The following FAM78A variants were observed in gnomAD, a reference collection of about 807,000 sequenced individuals.
FAM78A encodes family with sequence similarity 78 member A.
In FAM78A, 12 loss-of-function variants were observed where a neutral mutation model predicts 22.6. The ratio of observed to expected loss-of-function variants is 0.53; its 90% confidence interval spans 0.34 to 0.86. The LOEUF (loss-of-function observed/expected upper bound fraction) is 0.86. FAM78A is among the 40% of genes least tolerant of loss of function. The pLI is 0.02. For synonymous variants in FAM78A, 151 were observed against 155.8 expected (o/e 0.97, Z 0.23); for missense variants, 322 against 396.1 (o/e 0.81, Z 1.59).
Position 131,261,073 on chromosome 9 carries a change from TG to T in FAM78A, c.600del (p.Asn201ThrfsTer3). 1 of 1,614,106 alleles carries T rather than the reference TG, an allele frequency of 6.2e-7. No individual in the cohort carries two copies. ...TTWLVATNTSTNDMIILQTLH... is the reference protein window; with the variant it reads ...TTWLVATNTSXNDMIILQTLH... ...AGCGTCTGCAGGATGATCATGTCGT[TG>T]GTGGAGGTGTTGGTGGCCACCAGCC... On this transcript the variant is annotated frameshift_variant, in exon 2 of 2. Transcript: ENST00000372271. LOFTEE classifies it high-confidence loss of function. This position sits in a 1 kb window ranked among gnomAD's most constrained non-coding sequence, Gnocchi z 7.1.
At chr9:131,264,468 G>T in intron 1 of FAM78A, 1 of 650,852 alleles carries the variant, frequency 1.5e-6, no homozygotes. Flanking sequence ...CCAGCTACTC[G>T]CACTGTGGTC....
intron 1 of FAM78A, chr9:131,264,784 C>T (rs1329315019): frequency 2.1e-5 from 12 of 578,572 alleles, no homozygotes; most frequent in Admixed American, 1.8e-4. Context: ...AGTGCAGTGG[C>T]GGGATCTCTG....
chr9:131,271,096 T>G (rs1835416077), intron 1 of FAM78A, among the ~76,000 whole-genome samples: 1 of 142,044 alleles, frequency 7.0e-6, no homozygotes, highest in Non-Finnish European at 1.5e-5. Flanking sequence ...AGCCTTGACC[T>G]CCCCAGACTC....
At position 131,275,849 on chromosome 9, in the gene FAM78A, G is replaced by A. The variant is rs372396448; in HGVS notation, c.323+8C>T. On this transcript the variant is annotated splice_region_variant and intron_variant, in intron 1 of 1. Coordinates refer to ENST00000372271, the MANE Select transcript of FAM78A (RefSeq NM_033387.4). This position sits in a 1 kb window ranked among gnomAD's most constrained non-coding sequence, Gnocchi z 4.6. The stretch of plus-strand genomic sequence containing the variant: ...CAGTTCCCAGAGCTGGCTCTCGGCC[G>A]TACTCACATGCCCTGCTCGCCGTAC... The A allele has an allele frequency of 5.8e-5, 91 of 1,571,094 alleles. No individual in the cohort carries two copies. In the African/African-American group the frequency reaches 1.1e-3, roughly 20 times the overall value.
At position 131,259,565 on chromosome 9, in the gene FAM78A, G is replaced by A. The variant is rs1835232990; in HGVS notation, c.*1257C>T. ...TCCACCTCCATCACTGTGGCACCCA[G>A]AGCCTGACTGCACCGTCCCGCTGCC... On this transcript the variant is annotated 3_prime_UTR_variant, in exon 2 of 2. Coordinates refer to ENST00000372271, the MANE Select transcript of FAM78A (RefSeq NM_033387.4). The A allele has an allele frequency of 6.6e-6, 1 of 152,426 alleles. No homozygotes were observed. The highest frequency in any genetic ancestry group is 6.5e-5 in the Admixed American group (1 of 15,280). 9.4% of individuals were successfully genotyped at this position (152,426 alleles called of 1,614,324 possible). A position where few individuals can be genotyped will look rare whatever the true frequency, so the allele number is the denominator to read the frequency against.
intron 1 of FAM78A, chr9:131,270,396 CAA>C (rs959998714): frequency 7.1e-5 from 51 of 717,446 alleles, no homozygotes; most frequent in Middle Eastern, 2.3e-4. Context: ...ATCAGCAAAA[CAA>C]AGGATATCAG....
upstream of FAM78A, among the ~76,000 whole-genome samples, chr9:131,276,752 A>G (rs1031417783): frequency 6.6e-6 from 1 of 151,322 alleles, no homozygotes; most frequent in African/African-American, 2.4e-5. This position sits in a 1 kb window ranked among gnomAD's most constrained non-coding sequence, Gnocchi z 4.3. Flanking sequence ...AGGCGAGCTC[A>G]GGGCTCCGGC....
chr9:131,264,725 CCTT>C (rs1835322037), intron 1 of FAM78A: 465 of 428,564 alleles, frequency 1.1e-3, no homozygotes, highest in East Asian at 2.4e-3. Context: ...CCTTTTCTGA[CCTT>C]TTTTTTTTTT....
In FAM78A at chr9:131,274,065, C is replaced by A. The variant is rs187541529; in HGVS notation, c.323+1792G>T. On this transcript the variant is annotated intron_variant, in intron 1 of 1. Coordinates refer to ENST00000372271, the MANE Select transcript of FAM78A (RefSeq NM_033387.4). This position sits in a 1 kb window ranked among gnomAD's most constrained non-coding sequence, Gnocchi z 4.2. ...TCAGGCCTAGCTCCAGCCACATCAC[C>A]CACACCTACTCAGGGTCACCAGATG... 1.4e-3 allele frequency among the ~76,000 whole-genome samples: 208 copies of A among 152,358 alleles called. 1 individual carries two copies. Among genetic ancestry groups the A allele is most frequent in the Admixed American group, 5.0e-3 (76 of 15,304 alleles).
rs911410420 is a variant in FAM78A at position 131,265,067 on chromosome 9, CTA to C, written c.324-3719_324-3718del. ...CTTGTTTCTCTTCTCTATTAAATTT[CTA>C]TTGAGTTTTTTAGTGCTTTTTGTCC... On this transcript the variant is annotated intron_variant, in intron 1 of 1. Transcript: ENST00000372271. The surrounding 1 kb of genome is among the most constrained non-coding windows in gnomAD (Gnocchi z 4.3). Among the ~76,000 whole-genome samples, 3 of 152,146 alleles carry C rather than the reference CTA, an allele frequency of 2.0e-5. No homozygotes were observed. The highest frequency in any genetic ancestry group is 4.4e-5 in the Non-Finnish European group (3 of 67,978).
At chr9:131,279,524 C>T (rs1835521769), upstream of FAM78A, among the ~76,000 whole-genome samples, 2 of 152,204 alleles carry the variant, frequency 1.3e-5, no homozygotes, top group Admixed American at 1.3e-4. Context: ...GAATGCTATC[C>T]TGGAAATGAG....
At position 131,260,620 on chromosome 9, in the gene FAM78A, C is replaced by G; in HGVS notation, c.*202G>C. 1 of 534,776 alleles carries G rather than the reference C, an allele frequency of 1.9e-6. No individual in the cohort carries two copies. The highest frequency in any genetic ancestry group is 3.1e-6 in the Non-Finnish European group (1 of 317,548). The allele number at this position is 534,776 out of a possible 1,614,324, so 33.1% of individuals were successfully genotyped here. ...GAGGGCGCACGTGGGGTCTGTCTGT[C>G]CTGCTTAGATCTCCCCTCTCCCTGA... On this transcript the variant is annotated 3_prime_UTR_variant, in exon 2 of 2. Coordinates refer to ENST00000372271, the MANE Select transcript of FAM78A (RefSeq NM_033387.4). The surrounding 1 kb of genome is among the most constrained non-coding windows in gnomAD (Gnocchi z 5.4).
At chr9:131,264,905 T>C (rs1381067083) in intron 1 of FAM78A, among the ~76,000 whole-genome samples, 2 of 152,086 alleles carry the variant, frequency 1.3e-5, no homozygotes, top group African/African-American at 2.4e-5. Context: ...GTACTTTTAG[T>C]AGAGACGGGG....
intron 1 of FAM78A, chr9:131,264,475 G>A: frequency 1.5e-6 from 1 of 664,704 alleles, no homozygotes; most frequent in South Asian, 1.7e-5. Context: ...CTCGCACTGT[G>A]GTCCAGTCAC....
chr9:131,261,022 C>G lies in FAM78A; in HGVS notation c.652G>C (p.Glu218Gln). 2 of 1,613,974 alleles carry G rather than the reference C, an allele frequency of 1.2e-6. No individual in the cohort carries two copies. Among genetic ancestry groups the G allele is most frequent in the Non-Finnish European group, 1.7e-6 (2 of 1,179,978 alleles). Residue 218 changes from glutamate (E) to glutamine (Q), a missense_variant, in exon 2 of 2, where the codon GAG (glutamate) becomes CAG (glutamine). Coordinates refer to ENST00000372271, the MANE Select transcript of FAM78A (RefSeq NM_033387.4). The surrounding 1 kb of genome is among the most constrained non-coding windows in gnomAD (Gnocchi z 7.1). ...TLHWRMQLSIEVNPNRPLGQR... is the reference protein window; with the variant it reads ...TLHWRMQLSIQVNPNRPLGQR... The stretch of plus-strand genomic sequence containing the variant: ...CCCAGGGGCCGGTTGGGGTTCACCT[C>G]GATGCTGAGCTGCATGCGCCAGTGC...
At position 131,259,080 on chromosome 9, in the gene FAM78A, A is replaced by T. The variant is rs1250444791; in HGVS notation, c.*1742T>A. 1 of 152,696 alleles carries T rather than the reference A, an allele frequency of 6.5e-6. No individual in the cohort carries two copies. The highest frequency in any genetic ancestry group is 1.5e-5 in the Non-Finnish European group (1 of 68,062). The allele number at this position is 152,696 out of a possible 1,614,324, so 9.5% of individuals were successfully genotyped here. A position where few individuals can be genotyped will look rare whatever the true frequency, so the allele number is the denominator to read the frequency against. On this transcript the variant is annotated 3_prime_UTR_variant, in exon 2 of 2. Transcript: ENST00000372271. Reference sequence around the variant, plus strand: ...GTCCCACGCTGTCACGGAGACTCTTACAAGTGGCTCATCTGCAGCAGAAAT... The same window carrying T: ...GTCCCACGCTGTCACGGAGACTCTTTCAAGTGGCTCATCTGCAGCAGAAAT...
chr9:131,276,009 G>A lies in FAM78A; in HGVS notation c.171C>T (p.Ser57=), dbSNP rs144598049. ...IDPVPTSIDE[S]SSVVLRYRTP... is the part of the protein sequence containing the mutation. Reference sequence around the variant, plus strand: ...TCCGGTAGCGGAGCACCACGCTGGAGGACTCATCGATGCTAGTGGGGACGG... The same window carrying A: ...TCCGGTAGCGGAGCACCACGCTGGAAGACTCATCGATGCTAGTGGGGACGG... The change falls in exon 1 of 2, where the codon TCC becomes TCT. Residue 57 remains serine, a synonymous_variant. Transcript: ENST00000372271. This position sits in a 1 kb window ranked among gnomAD's most constrained non-coding sequence, Gnocchi z 4.3. 92 of 1,613,760 alleles carry A rather than the reference G, an allele frequency of 5.7e-5. No individual in the cohort carries two copies. In the African/African-American group the frequency reaches 1.1e-3, roughly 20 times the overall value.
rs556373684 is a variant in FAM78A, at chr9:131,263,076, T to C, written c.324-1726A>G. Among the ~76,000 whole-genome samples, 3 of 151,850 alleles carry C rather than the reference T, an allele frequency of 2.0e-5. No homozygotes were observed. The East Asian group carries it at 5.8e-4, about 29-fold the overall frequency. ...GCAATACGGTGAAACCCTGTTCTACTAAAAGTACAAAGATTAGCCAGGCAT... is the reference window on the plus strand; with the variant it reads ...GCAATACGGTGAAACCCTGTTCTACCAAAAGTACAAAGATTAGCCAGGCAT... On this transcript the variant is annotated intron_variant, in intron 1 of 1. Coordinates refer to ENST00000372271, the MANE Select transcript of FAM78A (RefSeq NM_033387.4).
intron 1 of FAM78A, among the ~76,000 whole-genome samples, chr9:131,273,628 G>C (rs1356633953): frequency 6.6e-6 from 1 of 152,192 alleles, no homozygotes; most frequent in African/African-American, 2.4e-5. Context: ...ACTCGGCCTG[G>C]GGAGAAAATT....
Sources: allele counts gnomAD v4.1 joint callset (sites outside exome capture counted in the v4.1 genomes callset), GRCh38; gene constraint gnomAD v4.1.1; non-coding constraint Gnocchi (gnomAD v3.1); transcripts MANE v1.5; gene names NCBI Gene and HGNC (gene_info 2026-07-23, HGNC 2026-07-21).